GPC6: variants seen among roughly 807,000 people sequenced by gnomAD.
GPC6 encodes the protein glypican-6.
In GPC6, 14 loss-of-function variants were observed where a neutral mutation model predicts 55.2. The observed-to-expected ratio is 0.25, with a 90% CI of 0.17 to 0.40. GPC6 has a LOEUF of 0.40. Ranked by LOEUF, GPC6 falls within the 10% of genes least tolerant of loss-of-function variation. GPC6 has a pLI of 1.00. For missense variants in GPC6, 641 were observed against 708.5 expected, an observed-to-expected ratio of 0.90 and a Z score of 1.08; for synonymous variants, 278 against 259.6, an observed-to-expected ratio of 1.07 and a Z score of -0.68.
chr13:93,998,051 T>A (rs913719437), intron 3 of GPC6, among the ~76,000 whole-genome samples: 1 of 152,176 alleles, frequency 6.6e-6, no homozygotes, highest in African/African-American at 2.4e-5. Context: ...CCACAAATGT[T>A]GAAGAGAAAT....
chr13:94,328,994 TC>T, intron 6 of GPC6, among the ~76,000 whole-genome samples: 1 of 152,254 alleles, frequency 6.6e-6, no homozygotes, highest in Admixed American at 6.5e-5. Flanking sequence ...GACCAATGGG[TC>T]CCCATCAACT....
At chr13:93,756,729 C>A (rs1484782862) in intron 2 of GPC6, among the ~76,000 whole-genome samples, 4 of 152,100 alleles carry the variant, frequency 2.6e-5, no homozygotes, top group Non-Finnish European at 5.9e-5. Flanking sequence ...AAATGAATCA[C>A]TTTTCTTTTC....
intron 4 of GPC6, among the ~76,000 whole-genome samples, chr13:94,269,104 C>T (rs1263081393): frequency 1.3e-5 from 2 of 152,078 alleles, no homozygotes; most frequent in Non-Finnish European, 2.9e-5. Context: ...AAATGAAATA[C>T]TGCATGTACC....
At chr13:93,659,149 A>C (rs1156635428) in intron 2 of GPC6, among the ~76,000 whole-genome samples, 1 of 151,900 alleles carries the variant, frequency 6.6e-6, no homozygotes, top group Non-Finnish European at 1.5e-5. Flanking sequence ...GTTAGTATAA[A>C]ATTAATCATG....
intron 4 of GPC6, among the ~76,000 whole-genome samples, chr13:94,193,979 A>G (rs1341418396): frequency 6.6e-6 from 1 of 152,160 alleles, no homozygotes; most frequent in African/African-American, 2.4e-5. Flanking sequence ...GAAGCTTATG[A>G]TATAGTGGGA....
In GPC6 at chr13:94,099,468, T is replaced by A. The variant is rs186616505; in HGVS notation, c.877+71574T>A. Reference sequence around the variant, plus strand: ...GAAACTGAAGGTGTATATAGGAGACTCTATTTGCAAATGAACAAATAGGCA... The same window carrying A: ...GAAACTGAAGGTGTATATAGGAGACACTATTTGCAAATGAACAAATAGGCA... On this transcript the variant is annotated intron_variant, in intron 4 of 8. Transcript: ENST00000377047. 2.2e-3 allele frequency among the ~76,000 whole-genome samples: 341 copies of A among 152,240 alleles called. 3 individuals carry two copies. Among genetic ancestry groups the A allele is most frequent in the South Asian group, 1.4e-3 (7 of 4,828 alleles).
At chr13:93,605,936 A>G (rs961864030) in intron 2 of GPC6, among the ~76,000 whole-genome samples, 15 of 151,876 alleles carry the variant, frequency 9.9e-5, no homozygotes, top group Admixed American at 5.9e-4. Context: ...TGCTATTTCA[A>G]TTTTTTGATC....
chr13:93,516,200 T>C (rs566673537), intron 1 of GPC6, among the ~76,000 whole-genome samples: 2 of 152,230 alleles, frequency 1.3e-5, no homozygotes, highest in South Asian at 4.1e-4. Flanking sequence ...AAGGTTCACA[T>C]CAAAAGAGAA....
intron 4 of GPC6, among the ~76,000 whole-genome samples, chr13:94,076,908 G>A (rs1477251797): frequency 6.7e-6 from 1 of 149,644 alleles, no homozygotes; most frequent in Non-Finnish European, 1.5e-5. Context: ...AAGTTAGGAA[G>A]TGTGATGCCT....
chr13:94,266,375 A>G (rs1484123119), intron 4 of GPC6, among the ~76,000 whole-genome samples: 21 of 152,000 alleles, frequency 1.4e-4, no homozygotes, highest in East Asian at 3.9e-4. Flanking sequence ...TCACTGTGTT[A>G]GCCAGGATGG....
At chr13:94,374,252 T>C (rs1879728171) in intron 6 of GPC6, among the ~76,000 whole-genome samples, 1 of 151,248 alleles carries the variant, frequency 6.6e-6, no homozygotes, top group Non-Finnish European at 1.5e-5. Flanking sequence ...ATGCTCCAAT[T>C]AAAAGACACA....
chr13:94,213,766 T>C (rs1890151778), intron 4 of GPC6, among the ~76,000 whole-genome samples: 1 of 152,136 alleles, frequency 6.6e-6, no homozygotes, highest in African/African-American at 2.4e-5. Context: ...ACCACTTCCA[T>C]TGGCTAGATC....
At chr13:93,376,091 C>G (rs1016128811) in intron 1 of GPC6, among the ~76,000 whole-genome samples, 1 of 138,628 alleles carries the variant, frequency 7.2e-6, no homozygotes, top group African/African-American at 2.7e-5. Context: ...CTTCCTGAAA[C>G]AGAGAGGACA....
intron 2 of GPC6, among the ~76,000 whole-genome samples, chr13:93,685,195 G>A (rs758236179): frequency 6.6e-6 from 1 of 152,176 alleles, no homozygotes; most frequent in Non-Finnish European, 1.5e-5. Context: ...GTGGTAGGCA[G>A]CACAAAGGCC....
intron 3 of GPC6, among the ~76,000 whole-genome samples, chr13:93,890,237 A>G (rs1306744039): frequency 6.6e-6 from 1 of 152,034 alleles, no homozygotes; most frequent in Non-Finnish European, 1.5e-5. Context: ...TCTCCAAACC[A>G]CTAGGATGCT....
chr13:94,046,945 T>C (rs1883755962), intron 4 of GPC6, among the ~76,000 whole-genome samples: 2 of 152,130 alleles, frequency 1.3e-5, no homozygotes, highest in African/African-American at 4.8e-5. Flanking sequence ...ACTGCGAAGT[T>C]GGAGGATTAT....
At chr13:93,341,106 C>T (rs1392040812) in intron 1 of GPC6, among the ~76,000 whole-genome samples, 2 of 152,132 alleles carry the variant, frequency 1.3e-5, no homozygotes, top group African/African-American at 4.8e-5. Context: ...TATAGCTGAG[C>T]AGTATTCCAT....
intron 1 of GPC6, among the ~76,000 whole-genome samples, chr13:93,331,885 T>G (rs1329234080): frequency 6.6e-6 from 1 of 152,088 alleles, no homozygotes; most frequent in Non-Finnish European, 1.5e-5. Flanking sequence ...CCCCAACCTC[T>G]GGTAAGCAAC....
chr13:94,278,418 T>G (rs1237672591), intron 4 of GPC6, among the ~76,000 whole-genome samples: 1 of 151,978 alleles, frequency 6.6e-6, no homozygotes, highest in Non-Finnish European at 1.5e-5. Context: ...TCTATTTGAG[T>G]ATGTTTATTT....
Sources: allele counts gnomAD v4.1 joint callset (sites outside exome capture counted in the v4.1 genomes callset), GRCh38; gene constraint gnomAD v4.1.1; transcripts MANE v1.5; gene names NCBI Gene and HGNC (gene_info 2026-07-23, HGNC 2026-07-21).